Variants in MYO3B observed in about 807,000 individuals in gnomAD.
MYO3B encodes the protein myosin IIIB, also known as myosin-IIIb.
Under a neutral mutation model 174.6 loss-of-function variants are expected in MYO3B, and 156 were observed. That is an observed-to-expected ratio of 0.89 (90% confidence interval 0.78 to 1.02). The LOEUF is 1.02. Among genes scored for constraint, MYO3B ranks in the 50% least tolerant of loss-of-function variants. MYO3B has a pLI of 0.00. For synonymous variants in MYO3B, 563 were observed against 569.1 expected (o/e 0.99, Z 0.15); for missense variants, 1,632 against 1,639.4 (o/e 1.00, Z 0.08).
In MYO3B at chr2:170,261,530, C is replaced by T. The variant is rs114560030; in HGVS notation, c.749+25394C>T. ...TTTTGCCACTGCATTCTAGCCTGGG[C>T]AACAGAGTGAGTTTCAATGGTCATC... On this transcript the variant is annotated intron_variant, in intron 7 of 34. Coordinates refer to ENST00000408978, the MANE Select transcript of MYO3B (RefSeq NM_138995.5). Among the ~76,000 whole-genome samples, 296 of 152,278 alleles carry T rather than the reference C, an allele frequency of 1.9e-3. 1 individual carries two copies. Among genetic ancestry groups the T allele is most frequent in the African/African-American group, 6.6e-3 (276 of 41,548 alleles).
intron 32 of MYO3B, among the ~76,000 whole-genome samples, chr2:170,628,546 C>T (rs1401414333): frequency 1.3e-5 from 2 of 152,152 alleles, no homozygotes; most frequent in African/African-American, 4.8e-5. Flanking sequence ...TGCGCTGCAC[C>T]CACCGTCCGA....
chr2:170,357,664 G>A (rs1379461002), intron 8 of MYO3B, among the ~76,000 whole-genome samples: 1 of 151,932 alleles, frequency 6.6e-6, no homozygotes, highest in Non-Finnish European at 1.5e-5. Context: ...GGAACAAGAT[G>A]GAATATTTTA....
intron 8 of MYO3B, among the ~76,000 whole-genome samples, chr2:170,353,665 T>C (rs574906386): frequency 6.6e-6 from 1 of 151,952 alleles, no homozygotes; most frequent in East Asian, 1.9e-4. Flanking sequence ...GGGGCCGGGG[T>C]ATATGGGAAA....
Position 170,557,816 on chromosome 2 carries a change from C to G in MYO3B, c.3733+13828C>G, listed in dbSNP as rs138053273. On this transcript the variant is annotated intron_variant, in intron 32 of 34. Coordinates refer to ENST00000408978, the MANE Select transcript of MYO3B (RefSeq NM_138995.5). ...CTTACTCCAAAACTCAGACCTGCAG[C>G]GAAGAGTCAGAAAAGATGTTTCCAG... Among the ~76,000 whole-genome samples the G allele has an allele frequency of 8.3e-3, 1,268 of 152,186 alleles. 14 individuals carry two copies. Among genetic ancestry groups the G allele is most frequent in the African/African-American group, 0.028 (1,183 of 41,530 alleles).
intron 7 of MYO3B, among the ~76,000 whole-genome samples, chr2:170,255,263 G>C (rs1468741026): frequency 1.3e-5 from 2 of 152,158 alleles, no homozygotes; most frequent in Admixed American, 1.3e-4. Context: ...AAACACAGGT[G>C]CAATGTCAGT....
At chr2:170,255,343 C>T (rs556141497) in intron 7 of MYO3B, among the ~76,000 whole-genome samples, 6 of 152,094 alleles carry the variant, frequency 3.9e-5, no homozygotes, top group African/African-American at 1.4e-4. Flanking sequence ...GCTCCTCCCC[C>T]CTTCCCTCAC....
At chr2:170,519,619 A>T in intron 30 of MYO3B, 79 bp downstream of exon 30, 1 of 1,157,626 alleles carries the variant, frequency 8.6e-7, no homozygotes, top group Non-Finnish European at 1.3e-6. Context: ...GTAATGGATA[A>T]TGCAACAAGT....
At chr2:170,556,614 C>T (rs771038335) in intron 32 of MYO3B, among the ~76,000 whole-genome samples, 2 of 152,092 alleles carry the variant, frequency 1.3e-5, no homozygotes, top group Admixed American at 6.5e-5. Flanking sequence ...TTCTGCCTCC[C>T]GGACTCAAGT....
At chr2:170,537,935 G>A (rs941352168) in intron 30 of MYO3B, among the ~76,000 whole-genome samples, 5 of 152,282 alleles carry the variant, frequency 3.3e-5, no homozygotes, top group East Asian at 1.9e-4. Context: ...TGAAATTAGA[G>A]TATGCTTTCA....
At chr2:170,443,179 C>T (rs1024840562) in intron 22 of MYO3B, among the ~76,000 whole-genome samples, 5 of 152,280 alleles carry the variant, frequency 3.3e-5, no homozygotes, top group South Asian at 2.1e-4. Context: ...TTTTTAATGA[C>T]CGCCATTCTA....
At chr2:170,566,778 A>C (rs73029084) in intron 32 of MYO3B, among the ~76,000 whole-genome samples, 1 of 152,276 alleles carries the variant, frequency 6.6e-6, no homozygotes, top group African/African-American at 2.4e-5. Context: ...TCTCTATATA[A>C]ATCTGGAGTT....
intron 14 of MYO3B, among the ~76,000 whole-genome samples, chr2:170,389,459 C>A (rs964384035): frequency 6.6e-6 from 1 of 152,168 alleles, no homozygotes; most frequent in African/African-American, 2.4e-5. Flanking sequence ...AGAACTAAAC[C>A]TTTATTGAGT....
chr2:170,369,141 C>T, intron 8 of MYO3B, 81 bp from the exon 9 acceptor site: 1 of 1,307,308 alleles, frequency 7.6e-7, no homozygotes, highest in Admixed American at 2.2e-5. Flanking sequence ...GAGCTTTTAC[C>T]TTCTCTCCAT....
chr2:170,441,643 G>T (rs1314222642), intron 22 of MYO3B, among the ~76,000 whole-genome samples: 1 of 152,198 alleles, frequency 6.6e-6, no homozygotes, highest in Non-Finnish European at 1.5e-5. Context: ...TCTGGGAAAA[G>T]GGTGGTCAAT....
chr2:170,378,688 G>A (rs1403088341), intron 9 of MYO3B, among the ~76,000 whole-genome samples: 1 of 152,150 alleles, frequency 6.6e-6, no homozygotes, highest in African/African-American at 2.4e-5. Flanking sequence ...ATTGCATTGT[G>A]TATATTCACA....
intron 6 of MYO3B, among the ~76,000 whole-genome samples, chr2:170,225,080 A>G (rs1332774503): frequency 6.6e-6 from 1 of 152,244 alleles, no homozygotes; most frequent in Non-Finnish European, 1.5e-5. Flanking sequence ...CATTATTACC[A>G]TTTTGTTCCC....
chr2:170,283,006 T>G (rs911744495), intron 7 of MYO3B, among the ~76,000 whole-genome samples: 2 of 152,134 alleles, frequency 1.3e-5, no homozygotes, highest in Non-Finnish European at 2.9e-5. Flanking sequence ...CTGGGTGGAC[T>G]CAGGGGGATG....
In MYO3B at chr2:170,217,529, G is replaced by C. The variant is rs2092844090; in HGVS notation, c.603+134G>C. On this transcript the variant is annotated intron_variant, in intron 6 of 34. Coordinates refer to ENST00000408978, the MANE Select transcript of MYO3B (RefSeq NM_138995.5). Reference sequence around the variant, plus strand: ...CCATTATCCTCATTGAACTTTAAGAGTACTAGTTTGGTCAGCGATGCTGGT... The same window carrying C: ...CCATTATCCTCATTGAACTTTAAGACTACTAGTTTGGTCAGCGATGCTGGT... 3 of 778,122 alleles carry C rather than the reference G, an allele frequency of 3.9e-6. No individual in the cohort carries two copies. In the South Asian group the frequency reaches 4.6e-5, roughly 12 times the overall value. 48.2% of individuals were successfully genotyped at this position (778,122 alleles called of 1,614,324 possible).
intron 7 of MYO3B, among the ~76,000 whole-genome samples, chr2:170,254,613 G>A (rs2093287731): frequency 6.6e-6 from 1 of 152,204 alleles, no homozygotes; most frequent in Non-Finnish European, 1.5e-5. Context: ...TTGACCCAGA[G>A]GGGTCAGAGG....
Sources: gnomAD v4.1 joint callset for allele counts (sites outside exome capture counted in the v4.1 genomes callset) on GRCh38, gnomAD v4.1.1 for gene constraint, MANE v1.5 for transcripts, NCBI Gene and HGNC (gene_info 2026-07-23, HGNC 2026-07-21) for gene names.